The following GBE1 variants were observed in gnomAD, a reference collection of about 807,000 sequenced individuals.
GBE1 encodes the protein 1,4-alpha-glucan branching enzyme 1.
A neutral mutation model predicts 88.8 loss-of-function variants in GBE1; 70 were observed. That is an observed-to-expected ratio of 0.79 (90% CI 0.65 to 0.96). GBE1 has a LOEUF of 0.96. Ranked by LOEUF, GBE1 falls within the 40% of genes least tolerant of loss-of-function variation. The pLI is 0.00. For synonymous variants in GBE1, 284 were observed against 300.1 expected (o/e 0.95, Z 0.56); for missense variants, 872 against 871.0 (o/e 1.00, Z -0.01).
chr3:81,523,804 T>C (rs2106850191), intron 14 of GBE1, among the ~76,000 whole-genome samples: 1 of 151,822 alleles, frequency 6.6e-6, no homozygotes, highest in East Asian at 1.9e-4. Context: ...TCCAGTTCCA[T>C]CCATATTGTT....
At chr3:81,692,140 T>C (rs1705530198) in intron 2 of GBE1, among the ~76,000 whole-genome samples, 2 of 152,198 alleles carry the variant, frequency 1.3e-5, no homozygotes. Context: ...CTGGGGCAAG[T>C]ACAGTGAGGA....
intron 1 of GBE1, among the ~76,000 whole-genome samples, chr3:81,706,563 C>T (rs949915844): frequency 7.2e-5 from 11 of 152,158 alleles, no homozygotes; most frequent in African/African-American, 2.4e-4. Flanking sequence ...AGCTTCTCTA[C>T]ACCTCCCCAT....
At chr3:81,648,322 C>G (rs1266296321) in intron 5 of GBE1, among the ~76,000 whole-genome samples, 1 of 152,038 alleles carries the variant, frequency 6.6e-6, no homozygotes, top group African/African-American at 2.4e-5. Flanking sequence ...CTTTACTCTC[C>G]TGTTTGTTAT....
rs1706361828 is a variant in GBE1 at position 81,742,403 on chromosome 3, G to A, written c.143+18972C>T. Among the ~76,000 whole-genome samples the A allele has an allele frequency of 2.6e-5, 4 of 152,076 alleles. No homozygotes were observed. The South Asian group carries it at 8.3e-4, about 31-fold the overall frequency. ...ATTAAAATTCTATTCATTAAAAAAGGATGGTTTATGACATAAATAACTGAA... is the reference window on the plus strand; with the variant it reads ...ATTAAAATTCTATTCATTAAAAAAGAATGGTTTATGACATAAATAACTGAA... On this transcript the variant is annotated intron_variant, in intron 1 of 15. Coordinates refer to ENST00000429644, the MANE Select transcript of GBE1 (RefSeq NM_000158.4).
intron 12 of GBE1, among the ~76,000 whole-genome samples, chr3:81,567,766 A>G (rs1050776898): frequency 3.3e-5 from 5 of 152,168 alleles, no homozygotes; most frequent in African/African-American, 1.2e-4. Flanking sequence ...TCTTTTGACT[A>G]CTTCAACAAC....
At chr3:81,625,810 C>A (rs1325395390) in intron 7 of GBE1, among the ~76,000 whole-genome samples, 1 of 151,914 alleles carries the variant, frequency 6.6e-6, no homozygotes, top group African/African-American at 2.4e-5. Flanking sequence ...AAATGTACAG[C>A]TGATATCTAT....
intron 12 of GBE1, among the ~76,000 whole-genome samples, chr3:81,576,914 T>C (rs527347465): frequency 2.0e-5 from 3 of 152,214 alleles, no homozygotes. Flanking sequence ...CTTACAAAAA[T>C]TTCCAAGTAG....
At chr3:81,507,878 T>C (rs2106823303) in intron 14 of GBE1, among the ~76,000 whole-genome samples, 1 of 152,280 alleles carries the variant, frequency 6.6e-6, no homozygotes, top group South Asian at 2.1e-4. Flanking sequence ...TAGTCTAGGA[T>C]GTGCTCATTT....
At chr3:81,567,363 C>A (rs1703507902) in intron 12 of GBE1, among the ~76,000 whole-genome samples, 1 of 152,082 alleles carries the variant, frequency 6.6e-6, no homozygotes, top group South Asian at 2.1e-4. Context: ...TCTTTTCTTC[C>A]TGGTTCATGG....
chr3:81,629,011 T>C (rs1704462786), intron 7 of GBE1, among the ~76,000 whole-genome samples: 2 of 135,164 alleles, frequency 1.5e-5, no homozygotes, highest in Middle Eastern at 3.8e-3. Flanking sequence ...GTGACTATTA[T>C]GTTTAAGTTT....
chr3:81,524,176 T>C (rs535188782), intron 14 of GBE1, among the ~76,000 whole-genome samples: 1 of 151,992 alleles, frequency 6.6e-6, no homozygotes, highest in Admixed American at 6.6e-5. Context: ...GCCTGTCTTT[T>C]GGAAAAAAGT....
chr3:81,684,062 A>G (rs561787998), intron 2 of GBE1, among the ~76,000 whole-genome samples: 1 of 152,322 alleles, frequency 6.6e-6, no homozygotes, highest in African/African-American at 2.4e-5. Flanking sequence ...GACATTCGAC[A>G]TCTAATTCGA....
chr3:81,761,206 G>A (rs917087919), intron 1 of GBE1, among the ~76,000 whole-genome samples, 169 bp downstream of exon 1: 10 of 152,234 alleles, frequency 6.6e-5, no homozygotes, highest in African/African-American at 1.2e-4. Context: ...TGCCACTACG[G>A]AAGCCACAGA....
intron 1 of GBE1, among the ~76,000 whole-genome samples, chr3:81,734,368 T>C (rs1239357314): frequency 6.6e-6 from 1 of 152,170 alleles, no homozygotes; most frequent in African/African-American, 2.4e-5. Context: ...CAAATTACTA[T>C]CAAGTTCTTT....
rs115347107 is a variant in GBE1 at position 81,530,903 on chromosome 3, T to C, written c.1934+4292A>G. Among the ~76,000 whole-genome samples, 885 of 151,904 alleles carry C rather than the reference T, an allele frequency of 5.8e-3. 3 individuals carry two copies. The highest frequency in any genetic ancestry group is 8.9e-3 in the Non-Finnish European group (604 of 67,884). On this transcript the variant is annotated intron_variant, in intron 14 of 15. Coordinates refer to ENST00000429644, the MANE Select transcript of GBE1 (RefSeq NM_000158.4). ...CCTGCCAGGCCTGGGTCCTTCCCTT[T>C]AGGGCAGTATGTTCCCTTCTGGCCC...
At chr3:81,751,816 G>A (rs1706531470) in intron 1 of GBE1, among the ~76,000 whole-genome samples, 1 of 152,088 alleles carries the variant, frequency 6.6e-6, no homozygotes, top group Non-Finnish European at 1.5e-5. Context: ...TCATGTTTCT[G>A]TACTGGTGTG....
chr3:81,526,899 C>A (rs1227365674), intron 14 of GBE1, among the ~76,000 whole-genome samples: 1 of 152,062 alleles, frequency 6.6e-6, no homozygotes, highest in African/African-American at 2.4e-5. Flanking sequence ...CAAAAAAGAG[C>A]CCGCATTGCC....
intron 3 of GBE1, among the ~76,000 whole-genome samples, chr3:81,657,185 T>C (rs1196477145): frequency 2.0e-5 from 3 of 150,280 alleles, no homozygotes; most frequent in Non-Finnish European, 4.4e-5. Context: ...TAATACACAG[T>C]TTTTATACCT....
chr3:81,583,221 C>A (rs1703757946), intron 10 of GBE1, among the ~76,000 whole-genome samples: 1 of 152,016 alleles, frequency 6.6e-6, no homozygotes, highest in African/African-American at 2.4e-5. Context: ...GTGACAACAC[C>A]AAATGCTGGT....
Sources: gnomAD v4.1 joint callset for allele counts (sites outside exome capture counted in the v4.1 genomes callset) on GRCh38, gnomAD v4.1.1 for gene constraint, MANE v1.5 for transcripts, NCBI Gene and HGNC (gene_info 2026-07-23, HGNC 2026-07-21) for gene names.